CCDC178: variants seen among roughly 807,000 people sequenced by gnomAD.
The protein encoded by CCDC178 is coiled-coil domain containing 178.
In CCDC178, 126 loss-of-function variants were observed where a neutral mutation model predicts 117.4. The ratio of observed to expected loss-of-function variants is 1.07; its 90% CI spans 0.93 to 1.24. The LOEUF is 1.24. Ranked by LOEUF, CCDC178 falls within the 50% of genes most tolerant of loss-of-function variation. The pLI is 0.00. For missense variants in CCDC178, 1,030 were observed against 986.9 expected, an observed-to-expected ratio of 1.04 and a Z score of -0.59; for synonymous variants, 283 against 313.4, an observed-to-expected ratio of 0.90 and a Z score of 1.02.
intron 8 of CCDC178, among the ~76,000 whole-genome samples, chr18:33,347,835 A>T (rs918279809): frequency 3.3e-5 from 5 of 152,190 alleles, no homozygotes; most frequent in Admixed American, 3.3e-4. Flanking sequence ...GAGATGCCTC[A>T]AATTCATTGT....
chr18:33,338,453 T>C (rs1433564547), intron 9 of CCDC178, among the ~76,000 whole-genome samples: 2 of 152,172 alleles, frequency 1.3e-5, no homozygotes, highest in Non-Finnish European at 2.9e-5. Flanking sequence ...TGCAAATGCA[T>C]GTTTATAGCA....
At chr18:33,293,079 T>G in intron 12 of CCDC178, 80 bp downstream of exon 12, 3 of 996,800 alleles carry the variant, frequency 3.0e-6, no homozygotes, top group Non-Finnish European at 2.8e-6. Flanking sequence ...CAATTGCTAT[T>G]TAATTATTGA....
intron 18 of CCDC178, 115 bp downstream of exon 18, chr18:33,222,991 A>G (rs1178661185): frequency 1.4e-6 from 1 of 721,332 alleles, no homozygotes. Context: ...TAGTCGATTT[A>G]GTGCAATCAA....
intron 18 of CCDC178, among the ~76,000 whole-genome samples, chr18:33,221,613 T>G (rs912309703): frequency 6.6e-6 from 1 of 152,038 alleles, no homozygotes; most frequent in African/African-American, 2.4e-5. Flanking sequence ...TTAAAATTAT[T>G]TTTTGGCTCT....
intron 3 of CCDC178, among the ~76,000 whole-genome samples, chr18:33,402,635 A>G (rs1425192251): frequency 6.6e-6 from 1 of 152,246 alleles, no homozygotes; most frequent in Non-Finnish European, 1.5e-5. Context: ...ACTCTTCTAG[A>G]GATATCTTAC....
rs532834996 is a variant in CCDC178, at chr18:33,432,588, C to T, written c.-23+7374G>A. 4.0e-5 allele frequency among the ~76,000 whole-genome samples: 6 copies of T among 151,892 alleles called. No individual in the cohort carries two copies. The East Asian group carries it at 1.2e-3, about 30-fold the overall frequency. On this transcript the variant is annotated intron_variant, in intron 2 of 22. Transcript: ENST00000383096. ...CTCTTCCTTCTAATTTTATACACTC[C>T]AGGTCCCTCTCAGTAGCAAAGAAAC...
chr18:33,179,557 G>A (rs895551933), intron 20 of CCDC178, among the ~76,000 whole-genome samples: 1 of 151,862 alleles, frequency 6.6e-6, no homozygotes, highest in Non-Finnish European at 1.5e-5. Flanking sequence ...GCAAACTAAT[G>A]TCTCTCTCTG....
chr18:33,252,088 G>T (rs372102771), intron 14 of CCDC178, among the ~76,000 whole-genome samples: 57 of 151,862 alleles, frequency 3.8e-4, no homozygotes, highest in African/African-American at 1.3e-3. Context: ...AGTAGAGTAA[G>T]TTAGAAAAAG....
intron 20 of CCDC178, among the ~76,000 whole-genome samples, chr18:33,147,356 A>ATTTTTTTTTTTTTTT (rs575608507): frequency 1.5e-4 from 14 of 94,614 alleles, no homozygotes; most frequent in African/African-American, 2.3e-4. Context: ...TGCCTTTTTA[A>ATTTTTTTTTTTTTTT]TTTTTTTTTT....
intron 20 of CCDC178, among the ~76,000 whole-genome samples, chr18:33,198,775 A>T (rs1182466602): frequency 6.6e-6 from 1 of 152,188 alleles, no homozygotes; most frequent in Non-Finnish European, 1.5e-5. Flanking sequence ...CTCTCCTTGA[A>T]AACTTTTCTG....
At chr18:33,244,809 T>C (rs1241317781) in intron 15 of CCDC178, among the ~76,000 whole-genome samples, 4 of 151,954 alleles carry the variant, frequency 2.6e-5, no homozygotes, top group Non-Finnish European at 5.9e-5. Context: ...TGCAGAAATG[T>C]AGTCTACAAA....
chr18:32,994,602 T>C (rs916463857), intron 21 of CCDC178, among the ~76,000 whole-genome samples: 2 of 152,338 alleles, frequency 1.3e-5, no homozygotes, highest in South Asian at 2.1e-4. Flanking sequence ...ACTTCATTTA[T>C]ACAAAATTGA....
intron 21 of CCDC178, among the ~76,000 whole-genome samples, chr18:33,062,032 AGGT>A (rs1368777191): frequency 6.6e-6 from 1 of 152,196 alleles, no homozygotes; most frequent in Non-Finnish European, 1.5e-5. Context: ...GCTATGAAAT[AGGT>A]GAGGAAAAGA....
At chr18:33,259,239 G>C (rs1315010153) in intron 14 of CCDC178, among the ~76,000 whole-genome samples, 1 of 152,114 alleles carries the variant, frequency 6.6e-6, no homozygotes, top group Admixed American at 6.5e-5. Context: ...TTTTTTGCTT[G>C]TTTGGTTTTT....
chr18:32,974,624 C>A lies in CCDC178; in HGVS notation c.2446G>T (p.Val816Phe). The change falls in exon 22 of 23, where the codon GTC (valine) becomes TTC (phenylalanine). Residue 816 changes from valine to phenylalanine, a missense_variant. By Grantham distance (50) the Val-to-Phe change is conservative. Transcript: ENST00000383096. ...GCCAGCCTCATCTGGCTGAAGAGGA[C>A]CACCAGTTTGAAGTGCTCCTGCCAC... ...TLWQEHFKLV[V>F]LFSQMRLANF... 1 of 1,613,220 alleles carries A rather than the reference C, an allele frequency of 6.2e-7. No individual in the cohort carries two copies. The highest frequency in any genetic ancestry group is 1.3e-5 in the African/African-American group (1 of 75,004).
At chr18:33,404,260 T>C (rs1176346335) in intron 3 of CCDC178, among the ~76,000 whole-genome samples, 1 of 152,080 alleles carries the variant, frequency 6.6e-6, no homozygotes, top group Non-Finnish European at 1.5e-5. Flanking sequence ...TAATGCAAGA[T>C]GTTAATAATA....
chr18:33,049,468 C>T (rs2056704815), intron 21 of CCDC178, among the ~76,000 whole-genome samples: 2 of 151,814 alleles, frequency 1.3e-5, no homozygotes, highest in South Asian at 4.1e-4. Flanking sequence ...TCTTTTTACC[C>T]TGTTTTGTTT....
At chr18:33,310,252 G>T (rs2062321029) in intron 11 of CCDC178, among the ~76,000 whole-genome samples, 1 of 152,050 alleles carries the variant, frequency 6.6e-6, no homozygotes, top group Admixed American at 6.6e-5. Context: ...CACCACGCCT[G>T]GACAATGACT....
At chr18:33,395,605 T>G (rs1179831733) in intron 4 of CCDC178, among the ~76,000 whole-genome samples, 1 of 152,102 alleles carries the variant, frequency 6.6e-6, no homozygotes, top group African/African-American at 2.4e-5. Context: ...CATTGGACAC[T>G]CTACCGAAGC....
Sources: gnomAD v4.1 joint callset for allele counts (sites outside exome capture counted in the v4.1 genomes callset) on GRCh38, gnomAD v4.1.1 for gene constraint, MANE v1.5 for transcripts, NCBI Gene and HGNC (gene_info 2026-07-23, HGNC 2026-07-21) for gene names.